TDRD3: variants seen among roughly 807,000 people sequenced by gnomAD.
TDRD3 encodes the protein tudor domain-containing protein 3.
In TDRD3, 45 loss-of-function variants were observed where a neutral mutation model predicts 86.7. That is an observed-to-expected ratio of 0.52 (90% confidence interval 0.41 to 0.67). The LOEUF (loss-of-function observed/expected upper bound fraction) is 0.67. Among genes scored for constraint, TDRD3 ranks in the 30% least tolerant of loss-of-function variants. The pLI, the probability that TDRD3 is intolerant of heterozygous loss-of-function variation, is 0.00. For synonymous variants in TDRD3, 298 were observed against 301.7 expected, an observed-to-expected ratio of 0.99 and a Z score of 0.13; for missense variants, 814 against 889.0, an observed-to-expected ratio of 0.92 and a Z score of 1.07.
At chr13:60,421,863 G>A (rs1481952183) in intron 1 of TDRD3, among the ~76,000 whole-genome samples, 1 of 152,168 alleles carries the variant, frequency 6.6e-6, no homozygotes, top group Non-Finnish European at 1.5e-5. Flanking sequence ...TGACTGGAGG[G>A]TGGTAGGAAT....
intron 4 of TDRD3, chr13:60,461,143 A>C (rs1347877809): frequency 1.3e-5 from 2 of 152,208 alleles, no homozygotes; most frequent in Non-Finnish European, 2.9e-5. Context: ...TAGAACAAAC[A>C]GAATTTTTAA....
At chr13:60,532,901 T>C (rs1483593287) in intron 11 of TDRD3, among the ~76,000 whole-genome samples, 1 of 152,196 alleles carries the variant, frequency 6.6e-6, no homozygotes, top group Non-Finnish European at 1.5e-5. Context: ...AGAATAAATA[T>C]AGATTTTAGC....
chr13:60,447,020 T>G lies in TDRD3; in HGVS notation c.192+2272T>G, dbSNP rs188236182. Among the ~76,000 whole-genome samples, 46 of 152,320 alleles carry G rather than the reference T, an allele frequency of 3.0e-4. No homozygotes were observed. In the South Asian group the frequency reaches 3.1e-3, roughly 10 times the overall value. On this transcript the variant is annotated intron_variant, in intron 3 of 13. Transcript: ENST00000377881. ...ACAGTTGGCAAACAGAATATTTGAA[T>G]AAGTAATCTGCCTATCTCTTGACCA...
chr13:60,480,342 G>A (rs902643396), intron 5 of TDRD3, among the ~76,000 whole-genome samples: 32 of 152,136 alleles, frequency 2.1e-4, no homozygotes, highest in Admixed American at 1.3e-4. Context: ...TGGCTTGTGA[G>A]GTTTAAGCTG....
At chr13:60,488,779 A>G (rs980627115) in intron 7 of TDRD3, among the ~76,000 whole-genome samples, 1 of 151,990 alleles carries the variant, frequency 6.6e-6, no homozygotes, top group Non-Finnish European at 1.5e-5. Flanking sequence ...GGGTTTCACC[A>G]TGTTGGCCAG....
intron 1 of TDRD3, among the ~76,000 whole-genome samples, chr13:60,426,195 TCTTA>T (rs1954801913): frequency 6.6e-6 from 1 of 152,166 alleles, no homozygotes; most frequent in Non-Finnish European, 1.5e-5. Context: ...TATTATGTGA[TCTTA>T]CTTATATGTG....
At chr13:60,476,389 C>T (rs1231811402) in intron 5 of TDRD3, among the ~76,000 whole-genome samples, 1 of 152,056 alleles carries the variant, frequency 6.6e-6, no homozygotes, top group African/African-American at 2.4e-5. Context: ...TATCCTGTTC[C>T]ATTGGTCCGT....
At chr13:60,521,897 C>CA (rs199889576) in intron 10 of TDRD3, among the ~76,000 whole-genome samples, 1,519 of 143,350 alleles carry the variant, frequency 0.011, 12 homozygotes, top group Non-Finnish European at 0.016. Context: ...AACTCCGTTT[C>CA]AAAAAAAAAA....
At chr13:60,428,106 C>G (rs1438509325) in intron 1 of TDRD3, among the ~76,000 whole-genome samples, 3 of 151,856 alleles carry the variant, frequency 2.0e-5, no homozygotes, top group African/African-American at 7.3e-5. Flanking sequence ...CCAGTTTCTG[C>G]CTCCAGCTTC....
At chr13:60,454,042 GTTT>G (rs1316251093) in intron 3 of TDRD3, among the ~76,000 whole-genome samples, 2 of 151,806 alleles carry the variant, frequency 1.3e-5, no homozygotes, top group African/African-American at 4.8e-5. Flanking sequence ...AGGTATAAAG[GTTT>G]TATACATGGT....
At chr13:60,511,805 T>C (rs186491433) in intron 10 of TDRD3, among the ~76,000 whole-genome samples, 1 of 152,270 alleles carries the variant, frequency 6.6e-6, no homozygotes, top group East Asian at 1.9e-4. Context: ...AAAAGCTGCC[T>C]TCAGATTATT....
chr13:60,413,444 A>T (rs1275769728), intron 1 of TDRD3, among the ~76,000 whole-genome samples: 3 of 152,122 alleles, frequency 2.0e-5, no homozygotes, highest in African/African-American at 7.2e-5. Flanking sequence ...CCTTGGGCAC[A>T]TTTCTTAACT....
At chr13:60,567,125 A>G (rs1418962652) in intron 12 of TDRD3, among the ~76,000 whole-genome samples, 1 of 152,208 alleles carries the variant, frequency 6.6e-6, no homozygotes, top group Non-Finnish European at 1.5e-5. Flanking sequence ...ATAAATACCT[A>G]GAAACATTTA....
chr13:60,505,934 T>G (rs566865536), intron 8 of TDRD3, among the ~76,000 whole-genome samples: 2 of 152,170 alleles, frequency 1.3e-5, no homozygotes, highest in East Asian at 3.9e-4. Flanking sequence ...ACAGGAAGAA[T>G]GGAACCAAGT....
intron 1 of TDRD3, among the ~76,000 whole-genome samples, chr13:60,408,724 G>T (rs1594896778): frequency 6.6e-6 from 1 of 152,288 alleles, no homozygotes; most frequent in African/African-American, 2.4e-5. Context: ...GCTGTTAAAA[G>T]CATTCTGTTT....
intron 12 of TDRD3, among the ~76,000 whole-genome samples, chr13:60,542,154 G>A (rs17189433): frequency 0.13 from 20,368 of 151,956 alleles, 1,436 homozygotes; most frequent in African/African-American, 0.16. Flanking sequence ...TTGTTCTCCT[G>A]GAAGTGCAAA....
intron 4 of TDRD3, among the ~76,000 whole-genome samples, chr13:60,465,824 T>G (rs914115528): frequency 2.6e-5 from 4 of 152,186 alleles, no homozygotes; most frequent in Admixed American, 6.6e-5. Context: ...AGAATAATTT[T>G]CTAATTTATC....
intron 12 of TDRD3, among the ~76,000 whole-genome samples, chr13:60,551,316 G>A (rs1008292548): frequency 6.6e-6 from 1 of 152,118 alleles, no homozygotes; most frequent in African/African-American, 2.4e-5. Context: ...TTATTGTGAG[G>A]AACATAATAA....
At chr13:60,437,121 CTTTTTTTTTTT>C (rs528500199) in intron 1 of TDRD3, among the ~76,000 whole-genome samples, 1 of 73,760 alleles carries the variant, frequency 1.4e-5, no homozygotes, top group South Asian at 5.9e-4. Flanking sequence ...ATAAATTAAA[CTTTTTTTTTTT>C]TTTTTTTTTT....
Sources: gnomAD v4.1 joint callset for allele counts (sites outside exome capture counted in the v4.1 genomes callset) on GRCh38, gnomAD v4.1.1 for gene constraint, MANE v1.5 for transcripts, NCBI Gene and HGNC (gene_info 2026-07-23, HGNC 2026-07-21) for gene names.